SMARCC1: variants seen among roughly 807,000 people sequenced by gnomAD.
SMARCC1 encodes SWI/SNF complex subunit SMARCC1.
SMARCC1 carries 43 observed loss-of-function variants against 147.4 expected under a neutral mutation model. That is an observed-to-expected ratio of 0.29 (90% CI 0.23 to 0.38). SMARCC1 has a LOEUF of 0.38. Ranked by LOEUF, SMARCC1 falls within the 10% of genes least tolerant of loss-of-function variation. The probability of loss-of-function intolerance (pLI) is 1.00; values close to 1 mark genes in which losing one functional copy is unlikely to be tolerated. For synonymous variants in SMARCC1, 495 were observed against 484.4 expected (o/e 1.02, Z -0.29); for missense variants, 1,119 against 1,381.1 (o/e 0.81, Z 3.01).
chr3:47,723,611 G>C, intron 6 of SMARCC1, among the ~76,000 whole-genome samples: 1 of 152,012 alleles, frequency 6.6e-6, no homozygotes, highest in East Asian at 1.9e-4. Context: ...TCAGTAGTTT[G>C]AGACCAGCCT....
intron 3 of SMARCC1, among the ~76,000 whole-genome samples, chr3:47,740,643 T>C (rs770551243): frequency 6.6e-6 from 1 of 152,082 alleles, no homozygotes; most frequent in Admixed American, 6.6e-5. Flanking sequence ...CGGCCTTTCA[T>C]GTTCTTAATA....
At chr3:47,722,580 G>C (rs1314846932) in intron 6 of SMARCC1, among the ~76,000 whole-genome samples, 1 of 152,098 alleles carries the variant, frequency 6.6e-6, no homozygotes, top group Admixed American at 6.5e-5. Context: ...ACAGGCATGA[G>C]CCGCTGTGCC....
chr3:47,623,415 C>A (rs774007359), intron 24 of SMARCC1, among the ~76,000 whole-genome samples: 1 of 152,130 alleles, frequency 6.6e-6, no homozygotes, highest in Admixed American at 6.5e-5. Context: ...CTTTTGGGAA[C>A]TATGCTGAGA....
intron 18 of SMARCC1, among the ~76,000 whole-genome samples, chr3:47,674,702 C>G (rs1194144195): frequency 6.6e-6 from 1 of 152,174 alleles, no homozygotes; most frequent in Non-Finnish European, 1.5e-5. Context: ...TGGCCTCAGA[C>G]AACCCTACTG....
chr3:47,605,502 T>TG lies in SMARCC1; in HGVS notation c.3043+4563dup, dbSNP rs559485673. On this transcript the variant is annotated intron_variant, in intron 26 of 27. Transcript: ENST00000254480. ...AGAAGCCAGATGTGGCCGGGCATGG[T>TG]GGCTCATGCTTGTAATCCTAACACT... is the stretch of plus-strand genomic sequence containing the variant. Among the ~76,000 whole-genome samples, 131 of 152,324 alleles carry TG rather than the reference T, an allele frequency of 8.6e-4. 1 individual carries two copies. Among genetic ancestry groups the TG allele is most frequent in the African/African-American group, 2.7e-3 (113 of 41,576 alleles).
At chr3:47,661,841 T>G (rs770655303) in intron 20 of SMARCC1, among the ~76,000 whole-genome samples, 10 of 152,214 alleles carry the variant, frequency 6.6e-5, no homozygotes, top group Non-Finnish European at 1.3e-4. Context: ...AAGTTCTAGT[T>G]ACAATTAATG....
chr3:47,593,258 G>A (rs1247629254), intron 26 of SMARCC1, among the ~76,000 whole-genome samples: 2 of 150,922 alleles, frequency 1.3e-5, no homozygotes, highest in African/African-American at 2.4e-5. Context: ...TGCAACCTCC[G>A]CCTCCTGGGT....
intron 2 of SMARCC1, among the ~76,000 whole-genome samples, chr3:47,751,755 T>C (rs1384515548): frequency 6.6e-6 from 1 of 151,766 alleles, no homozygotes; most frequent in East Asian, 1.9e-4. Context: ...CATGAACCTA[T>C]CAAAGGTACT....
At chr3:47,730,050 A>G (rs1318384135) in intron 5 of SMARCC1, among the ~76,000 whole-genome samples, 3 of 152,144 alleles carry the variant, frequency 2.0e-5, no homozygotes, top group Admixed American at 2.0e-4. Flanking sequence ...GTGGTGGCAC[A>G]CGTCTGTAAT....
intron 15 of SMARCC1, 45 bp downstream of exon 15, chr3:47,680,392 C>G: frequency 7.5e-7 from 1 of 1,332,192 alleles, no homozygotes; most frequent in South Asian, 1.2e-5. Context: ...AGAGCCCCTA[C>G]CGCACACAGG....
intron 8 of SMARCC1, among the ~76,000 whole-genome samples, chr3:47,713,670 G>A (rs762961975): frequency 5.8e-4 from 88 of 152,002 alleles, no homozygotes; most frequent in Non-Finnish European, 1.2e-3. Flanking sequence ...TGTTATTACA[G>A]GTGTGAGCCA....
At chr3:47,685,314 A>T (rs557987862) in intron 14 of SMARCC1, among the ~76,000 whole-genome samples, 1 of 152,334 alleles carries the variant, frequency 6.6e-6, no homozygotes, top group South Asian at 2.1e-4. Context: ...TACTCAGAAT[A>T]ACACACAACG....
Position 47,645,913 on chromosome 3 carries a change from A to G in SMARCC1, c.2321-7133T>C, listed in dbSNP as rs1205408318. Among the ~76,000 whole-genome samples the G allele has an allele frequency of 5.3e-5, 8 of 152,244 alleles. No individual in the cohort carries two copies. In the South Asian group the frequency reaches 8.3e-4, roughly 16 times the overall value. On this transcript the variant is annotated intron_variant, in intron 21 of 27. Coordinates refer to ENST00000254480, the MANE Select transcript of SMARCC1 (RefSeq NM_003074.4). ...TAGTACAGATAGAGACAGACTCTCT[A>G]TAAGTGGAAAAATCCAGAGACAATG... is the stretch of plus-strand genomic sequence containing the variant.
intron 24 of SMARCC1, among the ~76,000 whole-genome samples, 160 bp downstream of exon 24, chr3:47,635,030 C>T (rs1314787414): frequency 6.6e-6 from 1 of 152,098 alleles, no homozygotes; most frequent in Non-Finnish European, 1.5e-5. Context: ...TTTCTATAAC[C>T]CTCCTCCTGC....
chr3:47,693,673 T>C (rs2033816422), intron 11 of SMARCC1, among the ~76,000 whole-genome samples: 1 of 152,160 alleles, frequency 6.6e-6, no homozygotes. Flanking sequence ...ACCTTTTTAG[T>C]TTGTTTTCAG....
At chr3:47,658,529 T>C (rs1305350108) in intron 21 of SMARCC1, among the ~76,000 whole-genome samples, 5 of 152,360 alleles carry the variant, frequency 3.3e-5, no homozygotes, top group South Asian at 2.1e-4. Context: ...ATATAATATA[T>C]TGGCTATTTT....
chr3:47,597,870 G>A (rs574409268), intron 26 of SMARCC1, among the ~76,000 whole-genome samples: 1 of 152,338 alleles, frequency 6.6e-6, no homozygotes, highest in South Asian at 2.1e-4. Context: ...CTGACTGCTG[G>A]GAGTGTGAAG....
intron 18 of SMARCC1, among the ~76,000 whole-genome samples, chr3:47,671,435 C>T (rs1412598584): frequency 1.3e-5 from 2 of 152,116 alleles, no homozygotes; most frequent in South Asian, 2.1e-4. Flanking sequence ...GTACTACACA[C>T]GTAAAACACT....
rs138723496 is a variant in SMARCC1, at chr3:47,689,723, C to T, written c.1226-299G>A. On this transcript the variant is annotated intron_variant, in intron 12 of 27. Transcript: ENST00000254480. ...TAATAACAGATACAGGACTTGATTA[C>T]GATTCTTGTCTCCTGAGTTTTGCTA... is the stretch of plus-strand genomic sequence containing the variant. 8.5e-4 allele frequency among the ~76,000 whole-genome samples: 130 copies of T among 152,234 alleles called. 1 individual carries two copies. Among genetic ancestry groups the T allele is most frequent in the African/African-American group, 2.1e-3 (87 of 41,560 alleles).
Sources: gnomAD v4.1 joint callset for allele counts (sites outside exome capture counted in the v4.1 genomes callset) on GRCh38, gnomAD v4.1.1 for gene constraint, MANE v1.5 for transcripts, NCBI Gene and HGNC (gene_info 2026-07-23, HGNC 2026-07-21) for gene names.